Variants in FIGNL2 observed in about 807,000 individuals in gnomAD.
The protein encoded by FIGNL2 is fidgetin like 2.
For synonymous variants in FIGNL2, 565 were observed against 484.0 expected, an observed-to-expected ratio of 1.17 and a Z score of -2.20; for missense variants, 1,060 against 950.2, an observed-to-expected ratio of 1.12 and a Z score of -1.52.
intron 1 of FIGNL2, among the ~76,000 whole-genome samples, chr12:51,834,640 GA>G (rs1411968694): frequency 6.6e-6 from 1 of 152,212 alleles, no homozygotes; most frequent in Non-Finnish European, 1.5e-5. Context: ...CGGCCTGGGA[GA>G]AGCTGGCCAA....
chr12:51,847,114 G>T (rs1388765047), intron 1 of FIGNL2: 3 of 985,282 alleles, frequency 3.0e-6, no homozygotes, highest in Non-Finnish European at 1.2e-6. Flanking sequence ...AGCCCGGCGC[G>T]CCCGTCCTTG....
At chr12:51,846,262 G>A (rs780816663) in intron 1 of FIGNL2, among the ~76,000 whole-genome samples, 4 of 152,246 alleles carry the variant, frequency 2.6e-5, no homozygotes, top group Non-Finnish European at 5.9e-5. Flanking sequence ...GGCCACGGAG[G>A]GAGGAGCAAG....
In FIGNL2 at chr12:51,821,798, G is replaced by T; in HGVS notation, c.616C>A (p.Pro206Thr). Reference sequence around the variant, plus strand: ...GGCTGCGCTGCGTAGCCCCCTGCGGGATAGTTGTACAGCGGCGCTGAGGGC... The same window carrying T: ...GGCTGCGCTGCGTAGCCCCCTGCGGTATAGTTGTACAGCGGCGCTGAGGGC... ...YGPSAPLYNY[P>T]AGGYAAQPGY... is the part of the protein sequence containing the mutation. Residue 206 changes from proline to threonine, a missense_variant, in exon 2 of 2, where the codon CCC (proline) becomes ACC (threonine). Transcript: ENST00000618634. The T allele has an allele frequency of 7.8e-7, 1 of 1,276,444 alleles. No individual in the cohort carries two copies. Among genetic ancestry groups the T allele is most frequent in the Non-Finnish European group, 9.8e-7 (1 of 1,016,966 alleles). 79.1% of individuals were successfully genotyped at this position (1,276,444 alleles called of 1,614,324 possible). A position where few individuals can be genotyped will look rare whatever the true frequency, so the allele number is the denominator to read the frequency against.
At chr12:51,847,156 T>C in intron 1 of FIGNL2, 1 of 985,358 alleles carries the variant, frequency 1.0e-6, no homozygotes, top group South Asian at 4.7e-5. Context: ...ATGGCGTCGG[T>C]TCCGGACTGA....
At chr12:51,822,537 G>A (rs533227702) in intron 1 of FIGNL2, 113 bp from the exon 2 acceptor site, 4 of 1,210,600 alleles carry the variant, frequency 3.3e-6, no homozygotes, top group East Asian at 2.5e-5. Flanking sequence ...CTGGGCTTCC[G>A]GCATCCACCA....
At chr12:51,822,919 C>G (rs1357771441) in intron 1 of FIGNL2, among the ~76,000 whole-genome samples, 1 of 152,240 alleles carries the variant, frequency 6.6e-6, no homozygotes, top group Non-Finnish European at 1.5e-5. Context: ...CCCAGAGTCC[C>G]TGGCCTAGTG....
chr12:51,836,101 G>A (rs559819046), intron 1 of FIGNL2, among the ~76,000 whole-genome samples: 8 of 152,248 alleles, frequency 5.3e-5, no homozygotes, highest in East Asian at 1.9e-4. Context: ...GTGAGCCACC[G>A]TGCCCTGCAG....
Position 51,848,647 on chromosome 12 carries a change from G to A in FIGNL2, c.-119C>T. 1 of 582,676 alleles carries A rather than the reference G, an allele frequency of 1.7e-6. No homozygotes were observed. The highest frequency in any genetic ancestry group is 2.2e-6 in the Non-Finnish European group (1 of 462,366). 36.1% of individuals were successfully genotyped at this position (582,676 alleles called of 1,614,324 possible). On this transcript the variant is annotated 5_prime_UTR_variant, in exon 1 of 2. Transcript: ENST00000618634. ...CGGGGGCGACAGGCCTGGGCTGGGG[G>A]GCAGTGGCGCTCACCATCCTGGAGC...
intron 1 of FIGNL2, among the ~76,000 whole-genome samples, chr12:51,836,719 G>GTAA (rs1443285518): frequency 6.6e-6 from 1 of 152,184 alleles, no homozygotes; most frequent in African/African-American, 2.4e-5. Context: ...ATGTCACAGT[G>GTAA]TAATAGGAGG....
chr12:51,845,633 G>A (rs1939736864), intron 1 of FIGNL2: 1 of 985,410 alleles, frequency 1.0e-6, no homozygotes, highest in Non-Finnish European at 1.2e-6. Flanking sequence ...TAACCGCCAA[G>A]TCCAGGAGAG....
intron 1 of FIGNL2, among the ~76,000 whole-genome samples, chr12:51,834,109 T>TTGGATGGATGGATGGA (rs75418518): frequency 1.1e-4 from 15 of 134,008 alleles, no homozygotes; most frequent in East Asian, 2.3e-4. Context: ...GGATGGATGG[T>TTGGATGGATGGATGGA]TGGATGGATG....
chr12:51,822,515 G>C, intron 1 of FIGNL2, 91 bp from the exon 2 acceptor site: 1 of 1,461,752 alleles, frequency 6.8e-7, no homozygotes. Flanking sequence ...CCTAGACTGC[G>C]GCTTGGACAG....
At chr12:51,840,132 A>G (rs1370299848) in intron 1 of FIGNL2, among the ~76,000 whole-genome samples, 1 of 152,140 alleles carries the variant, frequency 6.6e-6, no homozygotes, top group African/African-American at 2.4e-5. Flanking sequence ...CTGTGCACTC[A>G]GTGATGGGCA....
intron 1 of FIGNL2, among the ~76,000 whole-genome samples, chr12:51,843,512 C>T (rs1029290127): frequency 1.3e-5 from 2 of 149,738 alleles, no homozygotes. Context: ...CATGCCACTG[C>T]ACTGCAGCCT....
chr12:51,830,707 G>A (rs1019281324), intron 1 of FIGNL2, among the ~76,000 whole-genome samples: 1 of 151,930 alleles, frequency 6.6e-6, no homozygotes, highest in Non-Finnish European at 1.5e-5. Flanking sequence ...TGGCCAGGCT[G>A]GTCTCAAACT....
intron 1 of FIGNL2, among the ~76,000 whole-genome samples, chr12:51,822,733 CTTTGCAG>C (rs1939251542): frequency 6.6e-6 from 1 of 152,254 alleles, no homozygotes; most frequent in East Asian, 1.9e-4. Context: ...CAGCCATGTC[CTTTGCAG>C]GACACGTGAT....
intron 1 of FIGNL2, among the ~76,000 whole-genome samples, chr12:51,845,980 A>C (rs1438531847): frequency 1.3e-5 from 2 of 152,082 alleles, no homozygotes; most frequent in South Asian, 4.1e-4. Context: ...AAATAAGGGA[A>C]AGGGAGAGGA....
chr12:51,826,865 C>T (rs115964838), intron 1 of FIGNL2, among the ~76,000 whole-genome samples: 1 of 151,428 alleles, frequency 6.6e-6, no homozygotes, highest in East Asian at 1.9e-4. Flanking sequence ...CGATGTCTCA[C>T]GTGAGTCTGA....
Position 51,820,248 on chromosome 12 carries a change from G to A in FIGNL2, c.*204C>T. The stretch of plus-strand genomic sequence containing the variant: ...TCCACAATAAATAGGAAAAACCTGA[G>A]TACACGGCGCATATGGCATCTGCCT... On this transcript the variant is annotated 3_prime_UTR_variant, in exon 2 of 2. Transcript: ENST00000618634. The A allele has an allele frequency of 1.5e-6, 1 of 657,344 alleles. No homozygotes were observed. The highest frequency in any genetic ancestry group is 3.3e-5 in the Admixed American group (1 of 30,536). The allele number at this position is 657,344 out of a possible 1,614,324, so 40.7% of individuals were successfully genotyped here. A position where few individuals can be genotyped will look rare whatever the true frequency, so the allele number is the denominator to read the frequency against.
Sources: allele counts gnomAD v4.1 joint callset (sites outside exome capture counted in the v4.1 genomes callset), GRCh38; gene constraint gnomAD v4.1.1; transcripts MANE v1.5; gene names NCBI Gene and HGNC (gene_info 2026-07-23, HGNC 2026-07-21).